The following APP variants were observed in gnomAD, a reference collection of about 807,000 sequenced individuals.
APP encodes amyloid-beta precursor protein.
Under a neutral mutation model 101.4 loss-of-function variants are expected in APP, and 31 were observed. The observed-to-expected ratio is 0.31, with a 90% confidence interval of 0.23 to 0.41. The LOEUF (loss-of-function observed/expected upper bound fraction) is 0.41. Ranked by LOEUF, APP falls within the 10% of genes least tolerant of loss-of-function variation. The pLI, the probability that APP is intolerant of heterozygous loss-of-function variation, is 1.00. For synonymous variants in APP, 366 were observed against 364.4 expected, an observed-to-expected ratio of 1.00 and a Z score of -0.05; for missense variants, 839 against 1,003.7, an observed-to-expected ratio of 0.84 and a Z score of 2.22.
chr21:25,945,026 G>A (rs906365739), intron 13 of APP, among the ~76,000 whole-genome samples: 6 of 152,182 alleles, frequency 3.9e-5, no homozygotes, highest in Admixed American at 1.3e-4. Context: ...AGACTTTGGC[G>A]TGGGAGACCA....
chr21:25,955,439 A>G (rs542554020), intron 12 of APP, among the ~76,000 whole-genome samples, 188 bp downstream of exon 12: 7 of 152,296 alleles, frequency 4.6e-5, no homozygotes, highest in Middle Eastern at 3.4e-3. Context: ...TATTTTCATA[A>G]CTCAGAAAAT....
At chr21:25,973,268 A>G (rs997479338) in intron 11 of APP, among the ~76,000 whole-genome samples, 1 of 152,202 alleles carries the variant, frequency 6.6e-6, no homozygotes, top group African/African-American at 2.4e-5. Context: ...AACCTCATTC[A>G]GTGTACATGG....
chr21:26,145,635 G>C (rs953927418), intron 1 of APP, among the ~76,000 whole-genome samples: 1 of 152,070 alleles, frequency 6.6e-6, no homozygotes, highest in Non-Finnish European at 1.5e-5. Context: ...GACTCAAATA[G>C]TACAAAAGGT....
At chr21:25,964,533 G>C (rs1370728818) in intron 11 of APP, among the ~76,000 whole-genome samples, 1 of 151,820 alleles carries the variant, frequency 6.6e-6, no homozygotes, top group Non-Finnish European at 1.5e-5. Context: ...GTAAAGACAA[G>C]AGTTTATGTT....
chr21:25,912,735 C>G (rs1352859507), intron 13 of APP, among the ~76,000 whole-genome samples: 4 of 152,076 alleles, frequency 2.6e-5, no homozygotes, highest in Admixed American at 2.6e-4. Context: ...CCGCCTACCC[C>G]CCCACTTTAA....
chr21:26,058,491 T>C (rs1473867786), intron 3 of APP, among the ~76,000 whole-genome samples: 1 of 152,248 alleles, frequency 6.6e-6, no homozygotes, highest in Non-Finnish European at 1.5e-5. Context: ...ATTTAAAGTA[T>C]ATTTTTCGAT....
chr21:25,945,379 ACT>A (rs1491563390), intron 13 of APP: 2 of 18,140 alleles, frequency 1.1e-4, no homozygotes, highest in African/African-American at 2.9e-4. Context: ...TGCAATCCGC[ACT>A]TTTTTTTTTT....
At chr21:25,924,833 G>A (rs918992557) in intron 13 of APP, among the ~76,000 whole-genome samples, 5 of 150,042 alleles carry the variant, frequency 3.3e-5, no homozygotes, top group Non-Finnish European at 3.0e-5. Flanking sequence ...GAAGTCCCTC[G>A]GCTTGCTGGA....
chr21:26,155,079 C>G (rs1472433539), intron 1 of APP, among the ~76,000 whole-genome samples: 1 of 152,144 alleles, frequency 6.6e-6, no homozygotes, highest in Non-Finnish European at 1.5e-5. Context: ...GGTGAAATCT[C>G]ATCCCTACCA....
chr21:25,900,740 A>G (rs2038402741), intron 15 of APP, among the ~76,000 whole-genome samples: 1 of 151,164 alleles, frequency 6.6e-6, no homozygotes, highest in Non-Finnish European at 1.5e-5. Flanking sequence ...AGTGGCTCAC[A>G]CCTGTAATCC....
intron 2 of APP, among the ~76,000 whole-genome samples, chr21:26,101,185 G>A (rs774184810): frequency 6.9e-6 from 1 of 144,778 alleles, no homozygotes; most frequent in Non-Finnish European, 1.5e-5. Flanking sequence ...CTGCAACCTC[G>A]GCCTCCGAGT....
At chr21:26,162,960 G>C (rs1284905942) in intron 1 of APP, among the ~76,000 whole-genome samples, 1 of 149,500 alleles carries the variant, frequency 6.7e-6, no homozygotes, top group East Asian at 2.0e-4. Flanking sequence ...AGGTGCAGTG[G>C]CTCACACCTG....
At chr21:26,074,665 C>T (rs558177470) in intron 3 of APP, among the ~76,000 whole-genome samples, 3 of 152,114 alleles carry the variant, frequency 2.0e-5, no homozygotes, top group Non-Finnish European at 2.9e-5. Flanking sequence ...GCAAGAGAAT[C>T]GCTTGAACCC....
chr21:26,162,201 T>C (rs541844496), intron 1 of APP, among the ~76,000 whole-genome samples: 1 of 152,180 alleles, frequency 6.6e-6, no homozygotes, highest in Non-Finnish European at 1.5e-5. Flanking sequence ...TGGTGGCACA[T>C]GCCTGTAGTC....
intron 4 of APP, among the ~76,000 whole-genome samples, 196 bp from the exon 5 acceptor site, chr21:26,051,389 T>C (rs2045833427): frequency 1.3e-5 from 1 of 76,158 alleles, no homozygotes; most frequent in Non-Finnish European, 2.4e-5. Context: ...CTCTTTTTAT[T>C]CTTGTTTATT....
At chr21:26,075,382 T>C (rs907376760) in intron 3 of APP, among the ~76,000 whole-genome samples, 7 of 152,252 alleles carry the variant, frequency 4.6e-5, no homozygotes, top group African/African-American at 9.6e-5. Flanking sequence ...ACAATTATTG[T>C]TTCCTCTTAT....
chr21:26,112,087 G>A lies in APP; in HGVS notation c.117C>T (p.Gly39=). The A allele has an allele frequency of 6.2e-7, 1 of 1,614,088 alleles. No homozygotes were observed. Among genetic ancestry groups the A allele is most frequent in the Non-Finnish European group, 8.5e-7 (1 of 1,179,960 alleles). The change falls in exon 2 of 18, where the codon GGC becomes GGT. Residue 39 remains glycine (G), a synonymous_variant. Coordinates refer to ENST00000346798, the MANE Select transcript of APP (RefSeq NM_000484.4). ...GGACATTCATGTGCATGTTCAGTCT[G>A]CCACAGAACATGGCAATCTGGGGTT... ...LAEPQIAMFC[G]RLNMHMNVQN...
intron 14 of APP, among the ~76,000 whole-genome samples, chr21:25,910,162 T>G (rs971822462): frequency 6.7e-6 from 1 of 149,492 alleles, no homozygotes; most frequent in Non-Finnish European, 1.5e-5. Context: ...AGTCTCGCTC[T>G]GTCACCCAGG....
intron 6 of APP, among the ~76,000 whole-genome samples, chr21:26,008,065 G>T (rs985126928): frequency 9.1e-3 from 1 of 110 alleles, no homozygotes; most frequent in African/African-American, 0.045. Context: ...AGTACAAGAG[G>T]ATGGTGCTAA....
Sources: allele counts gnomAD v4.1 joint callset (sites outside exome capture counted in the v4.1 genomes callset), GRCh38; gene constraint gnomAD v4.1.1; transcripts MANE v1.5; gene names NCBI Gene and HGNC (gene_info 2026-07-23, HGNC 2026-07-21).